Variants in ARF3 observed in about 807,000 individuals in gnomAD.
The protein encoded by ARF3 is ADP-ribosylation factor 3.
ARF3 carries 5 observed loss-of-function variants against 19.3 expected under a neutral mutation model. The ratio of observed to expected loss-of-function variants is 0.26; its 90% CI spans 0.14 to 0.54. ARF3 has a LOEUF of 0.54. ARF3 is among the 20% of genes least tolerant of loss of function. The pLI is 0.95. For missense variants in ARF3, 77 were observed against 234.2 expected (o/e 0.33, Z 4.38); for synonymous variants, 71 against 89.2 (o/e 0.80, Z 1.15).
chr12:48,950,889 G>A (rs543466882), intron 1 of ARF3, among the ~76,000 whole-genome samples: 2 of 152,066 alleles, frequency 1.3e-5, no homozygotes, highest in Non-Finnish European at 2.9e-5. Flanking sequence ...GGGTTCAACC[G>A]ATTCTCCTGC....
intron 1 of ARF3, among the ~76,000 whole-genome samples, chr12:48,947,305 CTTTT>C (rs201946318): frequency 1.5e-4 from 20 of 132,588 alleles, no homozygotes; most frequent in Admixed American, 5.7e-4. Flanking sequence ...ATTCATCAAA[CTTTT>C]TTTTTTTTTT....
Position 48,940,796 on chromosome 12 carries a change from G to A in ARF3, c.148+152C>T, listed in dbSNP as rs1040853783. ...GGGCAAACAGCAGCCTCAGCACCTG[G>A]TAGTAAGCTAAACAACACCACCCTC... On this transcript the variant is annotated intron_variant, in intron 2 of 4. Coordinates refer to ENST00000256682, the MANE Select transcript of ARF3 (RefSeq NM_001659.3). 8.9e-6 allele frequency: 9 copies of A among 1,014,222 alleles called. No individual in the cohort carries two copies. The African/African-American group carries it at 1.5e-4, about 17-fold the overall frequency. The allele number at this position is 1,014,222 out of a possible 1,614,324, so 62.8% of individuals were successfully genotyped here.
chr12:48,941,773 T>C (rs1940261557), intron 1 of ARF3, among the ~76,000 whole-genome samples: 2 of 152,226 alleles, frequency 1.3e-5, no homozygotes, highest in Admixed American at 6.5e-5. Context: ...AGCCGCACTC[T>C]TAAAAGAAGC....
rs544173020 is a variant in ARF3, at chr12:48,954,777, TG to T, written c.-94+2532del. Among the ~76,000 whole-genome samples, 167 of 152,240 alleles carry T rather than the reference TG, an allele frequency of 1.1e-3. 1 individual carries two copies. Among genetic ancestry groups the T allele is most frequent in the African/African-American group, 3.9e-3 (163 of 41,548 alleles). On this transcript the variant is annotated intron_variant, in intron 1 of 4. Transcript: ENST00000256682. ...GTTCATGCCTGTAATCTCAGCACTT[TG>T]GGAGGCCAAGGTGGGAGGATATATT...
At chr12:48,956,516 TC>T (rs1196774437) in intron 1 of ARF3, 4 of 152,184 alleles carry the variant, frequency 2.6e-5, no homozygotes, top group African/African-American at 9.7e-5. Context: ...CATTTTCTGT[TC>T]CGGGAATCCT....
rs36072910 is a variant in ARF3 at position 48,945,140 on chromosome 12, T to TA, written c.-93-3953dup. On this transcript the variant is annotated intron_variant, in intron 1 of 4. Transcript: ENST00000256682. ...TGGTTGACAGAGGAAGACTCTGTCT[T>TA]AAAAAAAAAAAAAAAAAAAAAAGGC... 2.0e-3 allele frequency among the ~76,000 whole-genome samples: 186 copies of TA among 92,236 alleles called. 2 individuals are homozygous for TA. Among genetic ancestry groups the TA allele is most frequent in the African/African-American group, 4.6e-3 (101 of 22,062 alleles). 60.5% of individuals were successfully genotyped at this position (92,236 alleles called of 152,430 possible). A position where few individuals can be genotyped will look rare whatever the true frequency, so the allele number is the denominator to read the frequency against.
intron 1 of ARF3, among the ~76,000 whole-genome samples, chr12:48,954,099 A>C (rs1940517234): frequency 6.6e-6 from 1 of 152,204 alleles, no homozygotes. Context: ...TTTCTGGAAG[A>C]GTGAACCATT....
At position 48,939,910 on chromosome 12, in the gene ARF3, C is replaced by T. The variant is rs1322626404; in HGVS notation, c.259+87G>A. On this transcript the variant is annotated intron_variant, in intron 3 of 4. Transcript: ENST00000256682. The surrounding 1 kb of genome is among the most constrained non-coding windows in gnomAD (Gnocchi z 4.8). Reference sequence around the variant, plus strand: ...CCCTTTCTTCTGCCCCCAGGAGCTGCAGCAGGGTAACAGTTGGCCACCCAT... The same window carrying T: ...CCCTTTCTTCTGCCCCCAGGAGCTGTAGCAGGGTAACAGTTGGCCACCCAT... 7 of 1,585,664 alleles carry T rather than the reference C, an allele frequency of 4.4e-6. No individual in the cohort carries two copies. Among genetic ancestry groups the T allele is most frequent in the Admixed American group, 1.7e-5 (1 of 59,794 alleles).
Position 48,939,010 on chromosome 12 carries a change from G to A in ARF3, c.483C>T (p.Thr161=). The A allele has an allele frequency of 2.5e-6, 4 of 1,613,576 alleles. No individual in the cohort carries two copies. Among genetic ancestry groups the A allele is most frequent in the Non-Finnish European group, 2.5e-6 (3 of 1,180,028 alleles). ...GGCCTTCGTACAGCCCGTCCCCGCTGGTGGCACAGGTGGCCTGAATGTACC... is the reference window on the plus strand; with the variant it reads ...GGCCTTCGTACAGCCCGTCCCCGCTAGTGGCACAGGTGGCCTGAATGTACC... The part of the protein sequence containing the change: ...RNWYIQATCA[T]SGDGLYEGLD... Residue 161 remains threonine, a synonymous_variant, in exon 5 of 5, where the codon ACC becomes ACT. Coordinates refer to ENST00000256682, the MANE Select transcript of ARF3 (RefSeq NM_001659.3). This position sits in a 1 kb window ranked among gnomAD's most constrained non-coding sequence, Gnocchi z 4.8.
chr12:48,939,117 C>T lies in ARF3; in HGVS notation c.385-9G>A, dbSNP rs373021400. The T allele has an allele frequency of 1.6e-5, 26 of 1,608,210 alleles. No homozygotes were observed. Among genetic ancestry groups the T allele is most frequent in the East Asian group, 2.2e-5 (1 of 44,726 alleles). ...ATAGCATTAGGCAGATCCTGGAGCA[C>T]GTGGGAGACACATAAAAAGAAGCCT... On this transcript the variant is annotated splice_polypyrimidine_tract_variant and intron_variant, in intron 4 of 4. Transcript: ENST00000256682. The surrounding 1 kb of genome is among the most constrained non-coding windows in gnomAD (Gnocchi z 4.8).
chr12:48,954,298 C>T (rs537892431), intron 1 of ARF3, among the ~76,000 whole-genome samples: 9 of 152,202 alleles, frequency 5.9e-5, no homozygotes, highest in Non-Finnish European at 8.8e-5. Flanking sequence ...CATAAGCCTA[C>T]GACCAGCACA....
intron 1 of ARF3, among the ~76,000 whole-genome samples, chr12:48,951,858 A>C (rs1324230704): frequency 2.0e-5 from 3 of 151,570 alleles, no homozygotes; most frequent in African/African-American, 7.2e-5. Context: ...CAGGCTGGGC[A>C]ACAAGAGCGA....
intron 1 of ARF3, among the ~76,000 whole-genome samples, chr12:48,943,063 C>T (rs946952041): frequency 2.6e-5 from 4 of 152,178 alleles, no homozygotes; most frequent in African/African-American, 7.2e-5. Flanking sequence ...GCCGAGATCA[C>T]GCCACTGCGC....
At chr12:48,946,156 G>GGGAT (rs1193620625) in intron 1 of ARF3, among the ~76,000 whole-genome samples, 3 of 152,186 alleles carry the variant, frequency 2.0e-5, no homozygotes, top group Admixed American at 2.0e-4. Context: ...CATTTCAAAG[G>GGGAT]GGATGCTGGC....
Position 48,944,654 on chromosome 12 carries a change from T to C in ARF3, c.-93-3466A>G, listed in dbSNP as rs1940323673. ...CTCATCTGAGGATGTCCTTATATTA[T>C]TTCTTCTGTCCAGTAGGATTTGGTA... On this transcript the variant is annotated intron_variant, in intron 1 of 4. Transcript: ENST00000256682. 3.3e-5 allele frequency among the ~76,000 whole-genome samples: 5 copies of C among 152,232 alleles called. No homozygotes were observed. In the South Asian group the frequency reaches 1.0e-3, roughly 31 times the overall value.
At chr12:48,943,071 CG>C (rs1243045214) in intron 1 of ARF3, among the ~76,000 whole-genome samples, 1 of 152,148 alleles carries the variant, frequency 6.6e-6, no homozygotes, top group African/African-American at 2.4e-5. Context: ...CACGCCACTG[CG>C]CTCCAGCCTG....
intron 1 of ARF3, among the ~76,000 whole-genome samples, chr12:48,945,192 C>T (rs1592240950): frequency 6.7e-6 from 1 of 149,844 alleles, no homozygotes; most frequent in African/African-American, 2.5e-5. Flanking sequence ...CGCCTGTAAT[C>T]CCAGCACTTT....
intron 1 of ARF3, among the ~76,000 whole-genome samples, chr12:48,943,188 A>G (rs1940296216): frequency 6.6e-6 from 1 of 152,224 alleles, no homozygotes; most frequent in Non-Finnish European, 1.5e-5. Context: ...TTATGAAGGT[A>G]TAAAATGTCT....
rs1258220730 is a variant in ARF3 at position 48,939,841 on chromosome 12, G to C, written c.260-62C>G. The C allele has an allele frequency of 2.5e-6, 4 of 1,609,008 alleles. No homozygotes were observed. The highest frequency in any genetic ancestry group is 1.7e-5 in the Admixed American group (1 of 59,880). ...GGTAACCCCCTCCCCCCAACCAAAA[G>C]ACCACACCTGCCTGACACCCTCCAA... On this transcript the variant is annotated intron_variant, in intron 3 of 4. Transcript: ENST00000256682. The surrounding 1 kb of genome is among the most constrained non-coding windows in gnomAD (Gnocchi z 4.8).
Sources: gnomAD v4.1 joint callset for allele counts (sites outside exome capture counted in the v4.1 genomes callset) on GRCh38, gnomAD v4.1.1 for gene constraint, Gnocchi (gnomAD v3.1) non-coding constraint, MANE v1.5 for transcripts, NCBI Gene and HGNC (gene_info 2026-07-23, HGNC 2026-07-21) for gene names.